Variants in LYPD6 observed in about 807,000 individuals in gnomAD.
LYPD6 encodes ly6/PLAUR domain-containing protein 6.
Under a neutral mutation model 22.7 loss-of-function variants are expected in LYPD6, and 15 were observed. That is an observed-to-expected ratio of 0.66 (90% confidence interval 0.44 to 1.02). The LOEUF is 1.02. Among genes scored for constraint, LYPD6 ranks in the 50% least tolerant of loss-of-function variants. The probability of loss-of-function intolerance (pLI) is 0.00; values close to 1 mark genes in which losing one functional copy is unlikely to be tolerated. For missense variants in LYPD6, 189 were observed against 208.4 expected (o/e 0.91, Z 0.57); for synonymous variants, 72 against 77.5 (o/e 0.93, Z 0.37).
At chr2:149,395,845 CT>C (rs1262344358) in intron 1 of LYPD6, among the ~76,000 whole-genome samples, 1 of 152,050 alleles carries the variant, frequency 6.6e-6, no homozygotes, top group Non-Finnish European at 1.5e-5. Flanking sequence ...TCACCAAATG[CT>C]TTTTTAGAAC....
chr2:149,370,981 G>A (rs754864115), intron 1 of LYPD6, among the ~76,000 whole-genome samples: 1 of 152,160 alleles, frequency 6.6e-6, no homozygotes, highest in African/African-American at 2.4e-5. Flanking sequence ...AATGAACGTA[G>A]CTAATGACAA....
chr2:149,424,687 A>G (rs1683154159), intron 1 of LYPD6, among the ~76,000 whole-genome samples: 1 of 152,168 alleles, frequency 6.6e-6, no homozygotes, highest in Admixed American at 6.5e-5. Flanking sequence ...GAAACCAAGG[A>G]TGACAGCAGG....
intron 1 of LYPD6, among the ~76,000 whole-genome samples, chr2:149,426,139 TC>T (rs1683184363): frequency 6.6e-6 from 1 of 152,238 alleles, no homozygotes; most frequent in Admixed American, 6.5e-5. Context: ...GAATTTTTTT[TC>T]TTTTTCCTAC....
intron 1 of LYPD6, among the ~76,000 whole-genome samples, chr2:149,431,805 C>A (rs1683319855): frequency 6.6e-6 from 1 of 152,020 alleles, no homozygotes; most frequent in South Asian, 2.1e-4. Flanking sequence ...GATCAAAGGA[C>A]TCCATCAAGA....
chr2:149,400,209 T>G (rs1682522719), intron 1 of LYPD6, among the ~76,000 whole-genome samples: 1 of 152,230 alleles, frequency 6.6e-6, no homozygotes, highest in South Asian at 2.1e-4. Flanking sequence ...GTCCACTGTC[T>G]GAGCACTTCT....
At chr2:149,331,221 C>A (rs1559114579) in intron 1 of LYPD6, among the ~76,000 whole-genome samples, 3 of 152,142 alleles carry the variant, frequency 2.0e-5, no homozygotes, top group Admixed American at 6.5e-5. Flanking sequence ...GAGGTACCTC[C>A]CCGCCGCTGC....
intron 1 of LYPD6, among the ~76,000 whole-genome samples, chr2:149,341,609 A>G (rs1681163050): frequency 6.6e-6 from 1 of 152,194 alleles, no homozygotes; most frequent in Non-Finnish European, 1.5e-5. Context: ...TTGTGCTACT[A>G]TAACAAAATA....
At chr2:149,339,134 T>A (rs1681112536) in intron 1 of LYPD6, among the ~76,000 whole-genome samples, 1 of 152,088 alleles carries the variant, frequency 6.6e-6, no homozygotes, top group Non-Finnish European at 1.5e-5. Flanking sequence ...ATTATGAAGG[T>A]CACTGCCTGC....
chr2:149,343,253 A>C (rs889987796), intron 1 of LYPD6, among the ~76,000 whole-genome samples: 1 of 152,184 alleles, frequency 6.6e-6, no homozygotes, highest in Non-Finnish European at 1.5e-5. Flanking sequence ...GAACATGGAA[A>C]ATGGAAAGGA....
intron 2 of LYPD6, among the ~76,000 whole-genome samples, chr2:149,447,277 T>C (rs547750764): frequency 1.3e-5 from 2 of 152,284 alleles, no homozygotes; most frequent in South Asian, 4.1e-4. Flanking sequence ...CGCGACAGCC[T>C]CCAGAGCTCA....
chr2:149,414,784 C>A (rs1395444647), intron 1 of LYPD6, among the ~76,000 whole-genome samples: 1 of 152,110 alleles, frequency 6.6e-6, no homozygotes, highest in Non-Finnish European at 1.5e-5. Flanking sequence ...AATATAATGA[C>A]TTAGTTTCTT....
chr2:149,421,182 A>T (rs1573793488), intron 1 of LYPD6, among the ~76,000 whole-genome samples: 1 of 151,962 alleles, frequency 6.6e-6, no homozygotes, highest in African/African-American at 2.4e-5. Flanking sequence ...GATCACTTGA[A>T]GTCAGGAGTT....
At chr2:149,363,649 C>T (rs1435760945) in intron 1 of LYPD6, among the ~76,000 whole-genome samples, 2 of 152,142 alleles carry the variant, frequency 1.3e-5, no homozygotes, top group Admixed American at 1.3e-4. Flanking sequence ...ATCTGTGTGC[C>T]TGTCTTTGTT....
rs1427126388 is a variant in LYPD6 at position 149,470,696 on chromosome 2, G to C, written c.362G>C (p.Cys121Ser). 1 of 1,613,310 alleles carries C rather than the reference G, an allele frequency of 6.2e-7. No homozygotes were observed. The highest frequency in any genetic ancestry group is 1.1e-5 in the South Asian group (1 of 91,004). Residue 121 changes from cysteine (C) to serine (S), a missense_variant, in exon 5 of 5, where the codon TGT becomes TCT. Cys to Ser is a moderately radical substitution (Grantham distance 112, BLOSUM62 -1). Transcript: ENST00000334166. ...CCTTTCTTTCAGGTCTGCACTTCTT[G>C]TTGTGAAGGAAATATCTGTAACTTG... is the stretch of plus-strand genomic sequence containing the variant. Reference protein sequence around the residue: ...EHEGHKVCTSCCEGNICNLPL... With the variant: ...EHEGHKVCTSSCEGNICNLPL...
chr2:149,351,096 T>C (rs1447738325), intron 1 of LYPD6, among the ~76,000 whole-genome samples: 1 of 152,180 alleles, frequency 6.6e-6, no homozygotes, highest in African/African-American at 2.4e-5. Flanking sequence ...CACAGAGATA[T>C]TTTAAAAAAT....
At chr2:149,399,119 G>A (rs542532672) in intron 1 of LYPD6, among the ~76,000 whole-genome samples, 8 of 152,172 alleles carry the variant, frequency 5.3e-5, no homozygotes, top group South Asian at 4.2e-4. Flanking sequence ...TCAAGCAGTG[G>A]TGTTAGGCCA....
intron 1 of LYPD6, among the ~76,000 whole-genome samples, chr2:149,374,370 G>A (rs1342954435): frequency 6.6e-6 from 1 of 152,146 alleles, no homozygotes; most frequent in African/African-American, 2.4e-5. Flanking sequence ...ATGTTTAGTC[G>A]AGGTTGAAAA....
chr2:149,476,824 T>C (rs1393432874), downstream of LYPD6, among the ~76,000 whole-genome samples: 1 of 152,210 alleles, frequency 6.6e-6, no homozygotes, highest in Admixed American at 6.5e-5. Flanking sequence ...CACCTGGCGA[T>C]GGCTACTGGT....
chr2:149,469,969 G>T (rs1255723635), intron 4 of LYPD6, among the ~76,000 whole-genome samples: 2 of 152,134 alleles, frequency 1.3e-5, no homozygotes, highest in Admixed American at 1.3e-4. Context: ...TGGGAATCTT[G>T]TTAAAATGTA....
Sources: gnomAD v4.1 joint callset for allele counts (sites outside exome capture counted in the v4.1 genomes callset) on GRCh38, gnomAD v4.1.1 for gene constraint, MANE v1.5 for transcripts, NCBI Gene and HGNC (gene_info 2026-07-23, HGNC 2026-07-21) for gene names.